The following LOC400499 variants were observed in gnomAD, a reference collection of about 807,000 sequenced individuals.
At chr16:11,384,718 A>G in the LOC400499 span, among the ~76,000 whole-genome samples, 185 of 152,308 alleles carry the variant, frequency 1.2e-3, no homozygotes, top group African/African-American at 4.4e-3. Flanking sequence ...CATGGGGTCA[A>G]TGGCATGAGG....
At chr16:11,391,902 G>C in the LOC400499 span, 2 of 1,078,898 alleles carry the variant, frequency 1.9e-6, no homozygotes, top group African/African-American at 3.2e-5. Flanking sequence ...TGAGGTCCAG[G>C]GCAGAGAGAG....
chr16:11,389,423 T>C, the LOC400499 span, among the ~76,000 whole-genome samples: 1 of 152,138 alleles, frequency 6.6e-6, no homozygotes, highest in African/African-American at 2.4e-5. Flanking sequence ...GGCTCATGCC[T>C]CTAATCCCAA....
At chr16:11,458,283 T>C in the LOC400499 span, among the ~76,000 whole-genome samples, 2 of 151,844 alleles carry the variant, frequency 1.3e-5, no homozygotes, top group South Asian at 4.2e-4. Flanking sequence ...GAGGCAGAAG[T>C]TGTAGTAAGC....
the LOC400499 span, chr16:11,450,586 A>G: frequency 2.0e-6 from 3 of 1,534,346 alleles, no homozygotes; most frequent in Non-Finnish European, 2.6e-6. Context: ...CCAGACATAT[A>G]TCGGGGGCCG....
At chr16:11,456,943 T>A in the LOC400499 span, 1 of 1,536,212 alleles carries the variant, frequency 6.5e-7, no homozygotes, top group Non-Finnish European at 8.7e-7. Context: ...TACTGCACCT[T>A]CAGGTGACTG....
chr16:11,474,282 A>C, the LOC400499 span, among the ~76,000 whole-genome samples: 491 of 152,268 alleles, frequency 3.2e-3, 5 homozygotes, highest in African/African-American at 0.011. Context: ...TTCCCATACA[A>C]CTTTATTTCT....
At chr16:11,478,323 G>A in the LOC400499 span, among the ~76,000 whole-genome samples, 1 of 151,824 alleles carries the variant, frequency 6.6e-6, no homozygotes, top group African/African-American at 2.4e-5. Context: ...CCACTTCGCC[G>A]AACCAGATAT....
the LOC400499 span, among the ~76,000 whole-genome samples, chr16:11,499,663 C>G: frequency 6.6e-6 from 1 of 152,140 alleles, no homozygotes; most frequent in Non-Finnish European, 1.5e-5. Context: ...CAGGGGCTCT[C>G]AGATCCTGGT....
chr16:11,463,435 TGTGTGTGTATACAGGG>T, the LOC400499 span, among the ~76,000 whole-genome samples: 1 of 140,512 alleles, frequency 7.1e-6, no homozygotes, highest in East Asian at 1.9e-4. Flanking sequence ...TGTACATGGA[TGTGTGTGTATACAGGG>T]GTGTGTGTAT....
At chr16:11,454,825 G>A in the LOC400499 span, among the ~76,000 whole-genome samples, 1 of 152,186 alleles carries the variant, frequency 6.6e-6, no homozygotes, top group Admixed American at 6.5e-5. Context: ...TAAACCAAGA[G>A]ATATGACACA....
At chr16:11,437,845 G>A in the LOC400499 span, among the ~76,000 whole-genome samples, 1 of 152,186 alleles carries the variant, frequency 6.6e-6, no homozygotes, top group African/African-American at 2.4e-5. Flanking sequence ...CTCCAGCTTG[G>A]GTGACAGAGC....
the LOC400499 span, among the ~76,000 whole-genome samples, chr16:11,489,334 A>T: frequency 6.6e-6 from 1 of 152,216 alleles, no homozygotes; most frequent in Non-Finnish European, 1.5e-5. Context: ...TCATCTGAAG[A>T]AGGAACTAAC....
At chr16:11,503,091 T>C in the LOC400499 span, among the ~76,000 whole-genome samples, 1 of 150,530 alleles carries the variant, frequency 6.6e-6, no homozygotes, top group Non-Finnish European at 1.5e-5. Flanking sequence ...TCAGCTAATT[T>C]TTTTGTATTT....
the LOC400499 span, among the ~76,000 whole-genome samples, chr16:11,427,995 C>G: frequency 1.3e-5 from 2 of 152,034 alleles, no homozygotes; most frequent in Non-Finnish European, 2.9e-5. Flanking sequence ...GGATCTCCCA[C>G]AAGAAAGAAT....
chr16:11,489,358 G>A, the LOC400499 span, among the ~76,000 whole-genome samples: 1 of 152,202 alleles, frequency 6.6e-6, no homozygotes, highest in African/African-American at 2.4e-5. Context: ...GTATCTTGCA[G>A]GGCTTTTTGG....
the LOC400499 span, chr16:11,460,655 G>A: frequency 6.7e-7 from 1 of 1,487,138 alleles, no homozygotes; most frequent in Non-Finnish European, 9.0e-7. Flanking sequence ...CTGCCAGGCA[G>A]CCCTCCACCA....
At chr16:11,457,055 C>T in the LOC400499 span, 11 of 1,504,100 alleles carry the variant, frequency 7.3e-6, no homozygotes, top group Non-Finnish European at 9.7e-6. Flanking sequence ...GAATGCCCAC[C>T]CCCCCAAGAT....
the LOC400499 span, among the ~76,000 whole-genome samples, chr16:11,379,255 T>TA: frequency 6.6e-6 from 1 of 152,012 alleles, no homozygotes; most frequent in African/African-American, 2.4e-5. Context: ...CTCAAAAAAA[T>TA]AAAAAAAGTG....
At chr16:11,477,713 G>T in the LOC400499 span, 5 of 396,394 alleles carry the variant, frequency 1.3e-5, no homozygotes, top group African/African-American at 8.2e-5. Flanking sequence ...GTGTTCTGCA[G>T]AATAGGGATC....
Sources: allele counts gnomAD v4.1 joint callset (sites outside exome capture counted in the v4.1 genomes callset), GRCh38; gene constraint gnomAD v4.1.1; transcripts MANE v1.5.